Variants in TICRR observed in about 807,000 individuals in gnomAD.
TICRR encodes the protein TOPBP1 interacting checkpoint and replication regulator, also known as treslin.
Under a neutral mutation model 178.1 loss-of-function variants are expected in TICRR, and 132 were observed. That is an observed-to-expected ratio of 0.74 (90% CI 0.64 to 0.86). The LOEUF is 0.86. Ranked by LOEUF, TICRR falls within the 40% of genes least tolerant of loss-of-function variation. The pLI is 0.00. For missense variants in TICRR, 2,587 were observed against 2,334.3 expected, an observed-to-expected ratio of 1.11 and a Z score of -2.23; for synonymous variants, 991 against 900.7, an observed-to-expected ratio of 1.10 and a Z score of -1.79.
intron 4 of TICRR, among the ~76,000 whole-genome samples, chr15:89,590,382 T>G (rs1962890728): frequency 6.6e-6 from 1 of 152,224 alleles, no homozygotes; most frequent in African/African-American, 2.4e-5. Flanking sequence ...ACCAATTGTG[T>G]GTAGGCTATT....
intron 4 of TICRR, among the ~76,000 whole-genome samples, chr15:89,590,474 G>C (rs1962892169): frequency 6.6e-6 from 1 of 152,144 alleles, no homozygotes; most frequent in Non-Finnish European, 1.5e-5. Flanking sequence ...ACTGTATTTT[G>C]GAATCTGGTA....
chr15:89,624,636 C>T lies in TICRR; in HGVS notation c.4326C>T (p.Gly1442=). The change falls in exon 20 of 22, where the codon GGC becomes GGT. Residue 1442 remains glycine, a synonymous_variant. Transcript: ENST00000268138. ...QSPPERRGYP[G]PGLRSDWHAS... The stretch of plus-strand genomic sequence containing the variant: ...CTCCTGAAAGACGGGGCTACCCAGG[C>T]CCTGGTCTCAGGAGTGATTGGCATG... 1 of 1,614,078 alleles carries T rather than the reference C, an allele frequency of 6.2e-7. No individual in the cohort carries two copies. The highest frequency in any genetic ancestry group is 8.5e-7 in the Non-Finnish European group (1 of 1,180,026).
intron 15 of TICRR, among the ~76,000 whole-genome samples, chr15:89,613,734 C>CTTTTTTTTTTTTTTTTTTTTTCTT (rs1963288847): frequency 4.9e-5 from 3 of 61,520 alleles, no homozygotes; most frequent in East Asian, 4.0e-4. Context: ...TTTCTATTCG[C>CTTTTTTTTTTTTTTTTTTTTTCTT]TTTTTTTTTT....
chr15:89,616,163 G>T (rs1247057267), intron 15 of TICRR, among the ~76,000 whole-genome samples: 1 of 152,128 alleles, frequency 6.6e-6, no homozygotes, highest in Non-Finnish European at 1.5e-5. Flanking sequence ...GGGATTACAG[G>T]CATGAGCCAT....
rs761742007 is a variant in TICRR, at chr15:89,625,669, G to T, written c.5359G>T (p.Ala1787Ser). 1.9e-6 allele frequency: 3 copies of T among 1,613,774 alleles called. No individual in the cohort carries two copies. The highest frequency in any genetic ancestry group is 2.5e-6 in the Non-Finnish European group (3 of 1,180,032). The change falls in exon 20 of 22, where the codon GCC becomes TCC. Residue 1787 changes from alanine (A) to serine (S), a missense_variant. Ala to Ser is a moderately conservative substitution (Grantham distance 99). Transcript: ENST00000268138. The part of the protein sequence containing the change: ...LLAKEEADRG[A>S]KRICDLREDS... ...GGCCAAGGAAGAAGCTGACCGTGGA[G>T]CCAAAAGGATCTGTGACCTGAGAGA... is the stretch of plus-strand genomic sequence containing the variant.
chr15:89,575,729 A>G lies in TICRR; in HGVS notation c.143A>G (p.Lys48Arg), dbSNP rs1430801931. Residue 48 changes from lysine to arginine, a missense_variant, in exon 1 of 22, where the codon AAG becomes AGG. Lys to Arg is a conservative substitution (Grantham distance 26). Transcript: ENST00000268138. ...FGLARVHWAF[K>R]FFDSQGARSR... is the part of the protein sequence containing the mutation. ...CTGGCCAGGGTCCACTGGGCCTTCAAGTTCTTTGACTCGCAGGGGGCGCGG... is the reference window on the plus strand; with the variant it reads ...CTGGCCAGGGTCCACTGGGCCTTCAGGTTCTTTGACTCGCAGGGGGCGCGG... 1 of 1,610,234 alleles carries G rather than the reference A, an allele frequency of 6.2e-7. No individual in the cohort carries two copies. Among genetic ancestry groups the G allele is most frequent in the South Asian group, 1.1e-5 (1 of 90,664 alleles).
intron 1 of TICRR, among the ~76,000 whole-genome samples, chr15:89,581,047 A>G (rs995780639): frequency 2.0e-5 from 3 of 152,224 alleles, no homozygotes; most frequent in African/African-American, 7.2e-5. Flanking sequence ...AAAAATAAAA[A>G]TAAATGAAAG....
chr15:89,615,203 G>T (rs1020754918), intron 15 of TICRR, among the ~76,000 whole-genome samples: 16 of 152,302 alleles, frequency 1.1e-4, no homozygotes, highest in African/African-American at 3.4e-4. Context: ...TGCTGTCAGG[G>T]AAAAAGGTGG....
rs71151513 is a variant in TICRR at position 89,577,599 on chromosome 15, CTT to C, written c.654+1385_654+1386del. Among the ~76,000 whole-genome samples the C allele has an allele frequency of 9.6e-3, 586 of 60,836 alleles. 2 individuals are homozygous for C. The highest frequency in any genetic ancestry group is 0.04 in the African/African-American group (517 of 12,922). 39.9% of individuals were successfully genotyped at this position (60,836 alleles called of 152,430 possible). A position where few individuals can be genotyped will look rare whatever the true frequency, so the allele number is the denominator to read the frequency against. ...ATACAGAGTGGTAGTGAGGGAAGGC[CTT>C]TTTTTTTTTTTTTTTTTTTTTTTTT... is the stretch of plus-strand genomic sequence containing the variant. On this transcript the variant is annotated intron_variant, in intron 1 of 21. Transcript: ENST00000268138.
At position 89,592,160 on chromosome 15, in the gene TICRR, T is replaced by A; in HGVS notation, c.1525T>A (p.Leu509Met). The A allele has an allele frequency of 6.2e-7, 1 of 1,611,590 alleles. No homozygotes were observed. The highest frequency in any genetic ancestry group is 1.1e-5 in the South Asian group (1 of 90,870). ...FCNISGASSD[L>M]MESFGLLQAA... is the part of the protein sequence containing the mutation. ...TAACATCAGTGGTGCCAGTTCCGAT[T>A]TGATGGAGTCATTTGGGTAAAACGT... The change falls in exon 5 of 22, where the codon TTG becomes ATG. Residue 509 changes from leucine to methionine, a missense_variant. Coordinates refer to ENST00000268138, the MANE Select transcript of TICRR (RefSeq NM_152259.4).
At chr15:89,586,217 T>A (rs1317268998) in intron 4 of TICRR, among the ~76,000 whole-genome samples, 1 of 152,214 alleles carries the variant, frequency 6.6e-6, no homozygotes, top group East Asian at 1.9e-4. Context: ...AGTGATTCTG[T>A]CTACCCTGCA....
chr15:89,622,671 G>A (rs1160936041), intron 19 of TICRR, among the ~76,000 whole-genome samples: 8 of 152,262 alleles, frequency 5.3e-5, no homozygotes, highest in Admixed American at 2.6e-4. Flanking sequence ...AGGGTCTTCC[G>A]TGGTCTGTTC....
intron 4 of TICRR, among the ~76,000 whole-genome samples, chr15:89,589,687 T>C (rs1161840358): frequency 6.6e-6 from 1 of 152,240 alleles, no homozygotes; most frequent in Non-Finnish European, 1.5e-5. Flanking sequence ...AATGCAATTA[T>C]AGGCATTTAT....
At chr15:89,623,561 A>G in intron 19 of TICRR, 62 bp from the exon 20 acceptor site, 1 of 1,500,728 alleles carries the variant, frequency 6.7e-7, no homozygotes, top group Non-Finnish European at 9.0e-7. Flanking sequence ...GAGATTACTA[A>G]AACACTTCAG....
Position 89,627,346 on chromosome 15 carries a change from A to G in TICRR, c.*260A>G, listed in dbSNP as rs1963551587. 2.3e-6 allele frequency: 1 copy of G among 433,736 alleles called. No individual in the cohort carries two copies. Among genetic ancestry groups the G allele is most frequent in the African/African-American group, 2.0e-5 (1 of 50,572 alleles). 26.9% of individuals were successfully genotyped at this position (433,736 alleles called of 1,614,324 possible). On this transcript the variant is annotated 3_prime_UTR_variant, in exon 22 of 22. Coordinates refer to ENST00000268138, the MANE Select transcript of TICRR (RefSeq NM_152259.4). The stretch of plus-strand genomic sequence containing the variant: ...CAGGCAGCCTGGGAGTCAGGAACCC[A>G]GACAAGGAATCCCATTCCAGCCTCA...
intron 5 of TICRR, among the ~76,000 whole-genome samples, chr15:89,593,091 G>T (rs556593634): frequency 6.6e-6 from 1 of 151,986 alleles, no homozygotes; most frequent in African/African-American, 2.4e-5. Context: ...AAATTTTTTT[G>T]GTTATTTTAG....
chr15:89,619,302 T>C (rs1963386271), intron 17 of TICRR, among the ~76,000 whole-genome samples: 1 of 146,576 alleles, frequency 6.8e-6, no homozygotes, highest in Admixed American at 7.0e-5. Flanking sequence ...CTCCGCTCAC[T>C]GCAACCTCCA....
Position 89,575,480 on chromosome 15 carries a change from C to A in TICRR, c.-107C>A. 8.6e-7 allele frequency: 1 copy of A among 1,162,546 alleles called. No homozygotes were observed. The allele number at this position is 1,162,546 out of a possible 1,614,324, so 72.0% of individuals were successfully genotyped here. ...CTGGAGAGCGCGGGAGCCTTTCGAC[C>A]AGGGTCCCAAAGGAAAGCAGTGAGT... is the stretch of plus-strand genomic sequence containing the variant. On this transcript the variant is annotated 5_prime_UTR_variant, in exon 1 of 22. Transcript: ENST00000268138.
rs762195303 is a variant in TICRR, at chr15:89,600,722, A to G, written c.2153+37A>G. The G allele has an allele frequency of 6.8e-6, 7 of 1,026,120 alleles. No homozygotes were observed. The East Asian group carries it at 7.3e-5, about 11-fold the overall frequency. 63.6% of individuals were successfully genotyped at this position (1,026,120 alleles called of 1,614,324 possible). On this transcript the variant is annotated intron_variant, in intron 9 of 21. Coordinates refer to ENST00000268138, the MANE Select transcript of TICRR (RefSeq NM_152259.4). ...CCATTTTTTAAAAAATCATCACTCT[A>G]AAAGCTGTGAGATTAGCTCGTATCA...
Sources: gnomAD v4.1 joint callset for allele counts (sites outside exome capture counted in the v4.1 genomes callset) on GRCh38, gnomAD v4.1.1 for gene constraint, MANE v1.5 for transcripts, NCBI Gene and HGNC (gene_info 2026-07-23, HGNC 2026-07-21) for gene names.